MAF: variants seen among roughly 807,000 people sequenced by gnomAD.
MAF encodes the protein transcription factor Maf.
In MAF, 10 loss-of-function variants were observed where a neutral mutation model predicts 22.0. The ratio of observed to expected loss-of-function variants is 0.45; its 90% CI spans 0.28 to 0.77. MAF has a LOEUF of 0.77. Ranked by LOEUF, MAF falls within the 30% of genes least tolerant of loss-of-function variation. MAF has a pLI of 0.12. For synonymous variants in MAF, 337 were observed against 255.8 expected, an observed-to-expected ratio of 1.32 and a Z score of -3.03; for missense variants, 544 against 548.4, an observed-to-expected ratio of 0.99 and a Z score of 0.08.
the MAF span, among the ~76,000 whole-genome samples, chr16:79,438,043 C>G: frequency 3.3e-5 from 5 of 152,104 alleles, no homozygotes; most frequent in African/African-American, 4.8e-5. Flanking sequence ...AATGCCATCC[C>G]TTGGAGAGCC....
the MAF span, among the ~76,000 whole-genome samples, chr16:79,571,175 G>T: frequency 6.6e-6 from 1 of 151,938 alleles, no homozygotes; most frequent in Non-Finnish European, 1.5e-5. Context: ...TTTCCTTAGA[G>T]AGAAGTACAT....
At chr16:79,256,832 T>G in the MAF span, among the ~76,000 whole-genome samples, 1 of 152,038 alleles carries the variant, frequency 6.6e-6, no homozygotes, top group African/African-American at 2.4e-5. Flanking sequence ...AGTCTAGGCA[T>G]GGGATCAAAT....
At chr16:79,268,938 T>G in the MAF span, among the ~76,000 whole-genome samples, 91 of 152,328 alleles carry the variant, frequency 6.0e-4, no homozygotes, top group East Asian at 0.015. Context: ...ATGGGAGTAA[T>G]GATCAGGATC....
the MAF span, among the ~76,000 whole-genome samples, chr16:79,348,442 T>A: frequency 6.6e-6 from 1 of 152,208 alleles, no homozygotes; most frequent in Non-Finnish European, 1.5e-5. Context: ...GGGGTCCATT[T>A]CCTTAAAGAT....
chr16:79,492,518 T>C, the MAF span, among the ~76,000 whole-genome samples: 1 of 151,606 alleles, frequency 6.6e-6, no homozygotes, highest in African/African-American at 2.4e-5. Context: ...CAATCCCCCA[T>C]CCCAGGTCTA....
chr16:79,350,586 C>A, the MAF span, among the ~76,000 whole-genome samples: 63 of 152,224 alleles, frequency 4.1e-4, no homozygotes, highest in African/African-American at 1.5e-3. Context: ...CCCTCCAGGC[C>A]CCACGCTGAA....
the MAF span, among the ~76,000 whole-genome samples, chr16:79,492,874 T>C: frequency 6.6e-6 from 1 of 152,200 alleles, no homozygotes; most frequent in Non-Finnish European, 1.5e-5. Flanking sequence ...ACTAGGAGGT[T>C]AGTGATTGGG....
At chr16:79,382,088 T>A in the MAF span, among the ~76,000 whole-genome samples, 1 of 152,188 alleles carries the variant, frequency 6.6e-6, no homozygotes, top group Non-Finnish European at 1.5e-5. Context: ...AGGGGAGCTT[T>A]CAACTTAGGT....
chr16:79,465,392 A>C, the MAF span, among the ~76,000 whole-genome samples: 138 of 152,280 alleles, frequency 9.1e-4, no homozygotes, highest in African/African-American at 3.3e-3. Flanking sequence ...CAGGAGTTTG[A>C]GACAAGACTG....
the MAF span, among the ~76,000 whole-genome samples, chr16:79,361,402 G>A: frequency 1.3e-5 from 2 of 152,220 alleles, no homozygotes; most frequent in African/African-American, 4.8e-5. Context: ...TCTCAATAAT[G>A]TATCATTTCC....
the MAF span, among the ~76,000 whole-genome samples, chr16:79,224,433 CT>C: frequency 6.6e-6 from 1 of 152,172 alleles, no homozygotes; most frequent in African/African-American, 2.4e-5. Context: ...GGAAGCATGC[CT>C]TTTGAAAACC....
At chr16:79,317,645 A>G in the MAF span, among the ~76,000 whole-genome samples, 2 of 151,998 alleles carry the variant, frequency 1.3e-5, no homozygotes, top group Non-Finnish European at 2.9e-5. Context: ...CTAAGCCAAC[A>G]CTATCCTTGA....
chr16:79,419,479 C>T, the MAF span, among the ~76,000 whole-genome samples: 4 of 152,310 alleles, frequency 2.6e-5, no homozygotes, highest in East Asian at 1.9e-4. Flanking sequence ...GTTTCCATGC[C>T]GATGGCAAGG....
At chr16:79,499,227 G>T in the MAF span, among the ~76,000 whole-genome samples, 4 of 152,158 alleles carry the variant, frequency 2.6e-5, no homozygotes. Flanking sequence ...TGGCTGGGCT[G>T]CATCAGCTGT....
the MAF span, among the ~76,000 whole-genome samples, chr16:79,501,860 A>G: frequency 6.6e-6 from 1 of 152,140 alleles, no homozygotes; most frequent in Admixed American, 6.5e-5. Context: ...TTTGAATGTT[A>G]TAATTGGATT....
At chr16:79,406,760 C>A in the MAF span, among the ~76,000 whole-genome samples, 3 of 152,256 alleles carry the variant, frequency 2.0e-5, no homozygotes, top group Non-Finnish European at 4.4e-5. Flanking sequence ...TGTTTTCAAC[C>A]GTAAAACGGA....
chr16:79,564,864 C>T, the MAF span, among the ~76,000 whole-genome samples: 7 of 152,160 alleles, frequency 4.6e-5, no homozygotes, highest in African/African-American at 1.2e-4. Context: ...TGTGGGGAAG[C>T]GACTTCTGCA....
the MAF span, among the ~76,000 whole-genome samples, chr16:79,229,747 C>G: frequency 1.3e-5 from 2 of 152,140 alleles, no homozygotes; most frequent in South Asian, 2.1e-4. Flanking sequence ...GCTGAAAATA[C>G]TTTGTACCTC....
the MAF span, among the ~76,000 whole-genome samples, chr16:79,408,118 G>A: frequency 1.3e-5 from 2 of 150,860 alleles, no homozygotes; most frequent in Non-Finnish European, 2.9e-5. Flanking sequence ...GCGTGGTGGA[G>A]GGATGGTTAA....
Sources: gnomAD v4.1 joint callset for allele counts (sites outside exome capture counted in the v4.1 genomes callset) on GRCh38, gnomAD v4.1.1 for gene constraint, MANE v1.5 for transcripts, NCBI Gene and HGNC (gene_info 2026-07-23, HGNC 2026-07-21) for gene names.